The following AHI1 variants were observed in gnomAD, a reference collection of about 807,000 sequenced individuals.
AHI1 encodes the protein jouberin.
Under a neutral mutation model 149.3 loss-of-function variants are expected in AHI1, and 123 were observed. The ratio of observed to expected loss-of-function variants is 0.82; its 90% CI spans 0.71 to 0.96. The LOEUF (loss-of-function observed/expected upper bound fraction) is 0.96, where lower values mean the gene tolerates loss of function less well. Ranked by LOEUF, AHI1 falls within the 40% of genes least tolerant of loss-of-function variation. AHI1 has a pLI of 0.00. For synonymous variants in AHI1, 475 were observed against 459.8 expected (o/e 1.03, Z -0.42); for missense variants, 1,439 against 1,422.7 (o/e 1.01, Z -0.18).
intron 23 of AHI1, among the ~76,000 whole-genome samples, chr6:135,376,153 T>C (rs2128461974): frequency 6.6e-6 from 1 of 152,072 alleles, no homozygotes; most frequent in Middle Eastern, 3.4e-3. Context: ...AAGAATAAGG[T>C]GATAACAGCA....
At chr6:135,460,479 C>G (rs1789698308) in intron 8 of AHI1, among the ~76,000 whole-genome samples, 1 of 152,070 alleles carries the variant, frequency 6.6e-6, no homozygotes, top group African/African-American at 2.4e-5. Flanking sequence ...TGTCAAGTCT[C>G]TTTAGAGAGT....
At chr6:135,386,755 C>A (rs141865274) in intron 23 of AHI1, among the ~76,000 whole-genome samples, 2 of 151,976 alleles carry the variant, frequency 1.3e-5, no homozygotes, top group South Asian at 4.2e-4. Flanking sequence ...CTAAGCCTCC[C>A]GAGTAGCTGG....
At chr6:135,390,477 G>A (rs1299283280) in intron 23 of AHI1, among the ~76,000 whole-genome samples, 2 of 151,982 alleles carry the variant, frequency 1.3e-5, no homozygotes, top group African/African-American at 4.8e-5. Flanking sequence ...AATACTCATA[G>A]CCAGAGGGCC....
intron 20 of AHI1, among the ~76,000 whole-genome samples, chr6:135,411,920 CCTT>C (rs1455574889): frequency 3.3e-5 from 5 of 151,918 alleles, no homozygotes; most frequent in South Asian, 4.2e-4. Flanking sequence ...ATTTCTGTAC[CCTT>C]CTTAATTTTT....
At chr6:135,490,321 G>C in intron 5 of AHI1, 2 of 681,154 alleles carry the variant, frequency 2.9e-6, no homozygotes, top group Non-Finnish European at 5.4e-6. Context: ...CACAATTCTG[G>C]GTTAAAAATA....
intron 27 of AHI1, 52 bp from the exon 28 acceptor site, chr6:135,290,577 A>G: frequency 6.3e-7 from 1 of 1,582,168 alleles, no homozygotes; most frequent in Non-Finnish European, 8.7e-7. Flanking sequence ...GAGCTGAGCT[A>G]AAAGCTCAGA....
Position 135,394,791 on chromosome 6 carries a change from C to A in AHI1, c.3094G>T (p.Gly1032Cys), listed in dbSNP as rs1278102288. Residue 1032 changes from glycine (G) to cysteine (C), a missense_variant, in exon 23 of 29, where the codon GGT becomes TGT. Coordinates refer to ENST00000265602, the MANE Select transcript of AHI1 (RefSeq NM_001134831.2). ...AGGGGCTCACCGGTCTGAGTGAAAC[C>A]AAACTGATGTAGAATCTCTTGAGCG... ...LTAQEILHQF[G>C]FTQTGIISIE... 2 of 1,610,008 alleles carry A rather than the reference C, an allele frequency of 1.2e-6. No homozygotes were observed. Among genetic ancestry groups the A allele is most frequent in the African/African-American group, 2.7e-5 (2 of 74,822 alleles).
At chr6:135,464,168 A>G (rs969581514) in intron 7 of AHI1, among the ~76,000 whole-genome samples, 2 of 152,050 alleles carry the variant, frequency 1.3e-5, no homozygotes, top group Non-Finnish European at 2.9e-5. Context: ...AATTTCCAAT[A>G]TTTTTAGTCA....
chr6:135,377,377 C>T (rs929974870), intron 23 of AHI1, among the ~76,000 whole-genome samples: 19 of 152,058 alleles, frequency 1.2e-4, no homozygotes, highest in African/African-American at 7.3e-5. Flanking sequence ...CCTGAATAGA[C>T]GATTATCTTA....
intron 28 of AHI1, among the ~76,000 whole-genome samples, chr6:135,288,535 C>T (rs561182746): frequency 6.6e-6 from 1 of 152,052 alleles, no homozygotes; most frequent in African/African-American, 2.4e-5. Flanking sequence ...CATAATCTTA[C>T]TACTCAGATA....
At chr6:135,320,971 C>T (rs988745530) in intron 25 of AHI1, among the ~76,000 whole-genome samples, 2 of 152,190 alleles carry the variant, frequency 1.3e-5, no homozygotes, top group African/African-American at 4.8e-5. Flanking sequence ...GCTTATGGAA[C>T]TTATATGCTG....
intron 3 of AHI1, chr6:135,492,812 G>T: frequency 8.1e-6 from 8 of 985,104 alleles, no homozygotes; most frequent in Non-Finnish European, 8.4e-6. Flanking sequence ...ATAAAACCTG[G>T]ATGTGTATTA....
chr6:135,343,657 A>C (rs1249990030), intron 24 of AHI1, among the ~76,000 whole-genome samples: 2 of 151,572 alleles, frequency 1.3e-5, no homozygotes, highest in African/African-American at 4.8e-5. Context: ...ACACCAAAAA[A>C]CAAACTAACA....
intron 21 of AHI1, among the ~76,000 whole-genome samples, chr6:135,410,512 G>A (rs1340153958): frequency 6.6e-6 from 1 of 152,100 alleles, no homozygotes; most frequent in East Asian, 1.9e-4. Flanking sequence ...GGACCCCAGA[G>A]CTACACTCTA....
chr6:135,421,777 T>A (rs1428423629), intron 20 of AHI1, among the ~76,000 whole-genome samples: 1 of 152,198 alleles, frequency 6.6e-6, no homozygotes, highest in East Asian at 1.9e-4. Context: ...CATATCAAAG[T>A]ACCTATTATG....
intron 23 of AHI1, among the ~76,000 whole-genome samples, chr6:135,386,611 AG>A (rs768500780): frequency 1.3e-5 from 2 of 150,790 alleles, no homozygotes; most frequent in Non-Finnish European, 3.0e-5. Flanking sequence ...TGCCTGGCCT[AG>A]AAAAGTGTTT....
At chr6:135,480,443 G>A (rs909339012) in intron 5 of AHI1, among the ~76,000 whole-genome samples, 16 of 151,452 alleles carry the variant, frequency 1.1e-4, no homozygotes, top group Non-Finnish European at 2.2e-4. Flanking sequence ...GAGTGACAGA[G>A]CAAGACCCTG....
chr6:135,494,415 G>C (rs1406616565), intron 3 of AHI1, among the ~76,000 whole-genome samples: 1 of 152,198 alleles, frequency 6.6e-6, no homozygotes, highest in Non-Finnish European at 1.5e-5. Context: ...GCAGCTACAA[G>C]CATCAGCTCC....
intron 5 of AHI1, among the ~76,000 whole-genome samples, chr6:135,483,058 AT>A (rs796408900): frequency 1.8e-3 from 248 of 140,412 alleles, no homozygotes; most frequent in Admixed American, 1.8e-3. Flanking sequence ...CACCTGGCTA[AT>A]TTTTTTTTTT....
Sources: allele counts gnomAD v4.1 joint callset (sites outside exome capture counted in the v4.1 genomes callset), GRCh38; gene constraint gnomAD v4.1.1; transcripts MANE v1.5; gene names NCBI Gene and HGNC (gene_info 2026-07-23, HGNC 2026-07-21).